The following PATL2 variants were observed in gnomAD, a reference collection of about 807,000 sequenced individuals.
PATL2 encodes protein PAT1 homolog 2.
PATL2 carries 73 observed loss-of-function variants against 77.0 expected under a neutral mutation model. That is an observed-to-expected ratio of 0.95 (90% CI 0.78 to 1.15). The LOEUF (loss-of-function observed/expected upper bound fraction) is 1.15, where lower values mean the gene tolerates loss of function less well. PATL2 is among the 50% of genes most tolerant of loss of function. The pLI is 0.00. For missense variants in PATL2, 618 were observed against 655.4 expected (o/e 0.94, Z 0.62); for synonymous variants, 265 against 257.1 (o/e 1.03, Z -0.29).
intron 9 of PATL2, 56 bp from the exon 10 acceptor site, chr15:44,670,143 G>T (rs1221924738): frequency 1.1e-5 from 17 of 1,532,194 alleles, no homozygotes; most frequent in Non-Finnish European, 1.4e-5. Context: ...TTCATCTTTT[G>T]AATTTAGAAT....
chr15:44,675,841 T>C, intron 4 of PATL2, 150 bp from the exon 5 acceptor site: 1 of 672,950 alleles, frequency 1.5e-6, no homozygotes, highest in South Asian at 2.1e-5. Context: ...TGGGTTTAAC[T>C]CGGCCTCCCT....
chr15:44,689,485 G>A (rs934647572), intron 3 of PATL2, among the ~76,000 whole-genome samples: 1 of 152,164 alleles, frequency 6.6e-6, no homozygotes, highest in Non-Finnish European at 1.5e-5. Flanking sequence ...TGATAGCCTG[G>A]ATAACGAACA....
rs2085966253 is a variant in PATL2 at position 44,676,572 on chromosome 15, CAAGA to C, written c.-75-11_-75-8del. 3 of 1,548,490 alleles carry C rather than the reference CAAGA, an allele frequency of 1.9e-6. No individual in the cohort carries two copies. The highest frequency in any genetic ancestry group is 2.6e-6 in the Non-Finnish European group (3 of 1,144,938). On this transcript the variant is annotated splice_region_variant and splice_polypyrimidine_tract_variant and intron_variant, in intron 3 of 17. Transcript: ENST00000682850. ...CAGCCTCTGGAAGGTAAACCTGAGA[CAAGA>C]AAGAGGCCAAGAGGCACCATCCTCA...
At chr15:44,693,844 C>A (rs1595984183) in intron 3 of PATL2, among the ~76,000 whole-genome samples, 1 of 152,028 alleles carries the variant, frequency 6.6e-6, no homozygotes, top group Admixed American at 6.6e-5. Flanking sequence ...GGATTACAGG[C>A]ATGTGCCACC....
intron 3 of PATL2, among the ~76,000 whole-genome samples, chr15:44,688,343 C>G (rs1361113826): frequency 6.6e-6 from 1 of 151,226 alleles, no homozygotes; most frequent in African/African-American, 2.4e-5. Flanking sequence ...TTAGAAAAAA[C>G]TACTTTAAAT....
chr15:44,669,609 C>T (rs1486760980), intron 11 of PATL2, 46 bp from the exon 12 acceptor site: 14 of 1,541,608 alleles, frequency 9.1e-6, no homozygotes, highest in Non-Finnish European at 1.1e-5. Context: ...GCCACTGCCA[C>T]AGCCCTAGCC....
At chr15:44,704,322 G>A (rs2086690753) in intron 3 of PATL2, among the ~76,000 whole-genome samples, 1 of 151,742 alleles carries the variant, frequency 6.6e-6, no homozygotes, top group Non-Finnish European at 1.5e-5. Context: ...GGCCCCTGTT[G>A]TATGCTTTTT....
chr15:44,692,037 A>C (rs2086404244), intron 3 of PATL2, among the ~76,000 whole-genome samples: 1 of 152,218 alleles, frequency 6.6e-6, no homozygotes, highest in African/African-American at 2.4e-5. Context: ...TTATACAATG[A>C]AATACTGTGA....
At chr15:44,684,252 G>C (rs188502438) in intron 3 of PATL2, among the ~76,000 whole-genome samples, 3 of 152,148 alleles carry the variant, frequency 2.0e-5, no homozygotes, top group African/African-American at 7.2e-5. Flanking sequence ...TGAGTTTGAT[G>C]AATTGACAGA....
intron 4 of PATL2, 73 bp downstream of exon 4, chr15:44,676,402 C>T: frequency 7.7e-7 from 1 of 1,302,900 alleles, no homozygotes; most frequent in Non-Finnish European, 1.1e-6. Flanking sequence ...CATCCAATCC[C>T]ATATGTGAAA....
At chr15:44,671,909 G>C (rs1595962783) in intron 9 of PATL2, 106 bp downstream of exon 9, 1 of 1,381,266 alleles carries the variant, frequency 7.2e-7, no homozygotes, top group East Asian at 2.5e-5. Flanking sequence ...TCTCCCACCT[G>C]AACAGACATG....
chr15:44,676,430 CA>C lies in PATL2; in HGVS notation c.16+44del, dbSNP rs1410405309. 2.7e-6 allele frequency: 4 copies of C among 1,469,724 alleles called. No homozygotes were observed. The African/African-American group carries it at 5.6e-5, about 21-fold the overall frequency. The allele number at this position is 1,469,724 out of a possible 1,614,324, so 91.0% of individuals were successfully genotyped here. A position where few individuals can be genotyped will look rare whatever the true frequency, so the allele number is the denominator to read the frequency against. ...ATGTGAAACAGACCAGCAACCTCTG[CA>C]TGCTGGGGCATTTTATATAACATCA... is the stretch of plus-strand genomic sequence containing the variant. On this transcript the variant is annotated intron_variant, in intron 4 of 17. Coordinates refer to ENST00000682850, the MANE Select transcript of PATL2 (RefSeq NM_001387263.1).
chr15:44,703,079 T>C (rs1292904880), intron 3 of PATL2, among the ~76,000 whole-genome samples: 1 of 151,984 alleles, frequency 6.6e-6, no homozygotes, highest in East Asian at 1.9e-4. Context: ...ATCAAGACCA[T>C]CCTGACTAAC....
intron 17 of PATL2, 143 bp downstream of exon 17, chr15:44,666,249 G>A: frequency 8.5e-7 from 1 of 1,182,728 alleles, no homozygotes; most frequent in Non-Finnish European, 1.2e-6. Flanking sequence ...TGGTTACTCA[G>A]TAAATGTCAG....
chr15:44,701,421 C>A (rs1039430881), intron 3 of PATL2, among the ~76,000 whole-genome samples: 1 of 151,806 alleles, frequency 6.6e-6, no homozygotes, highest in African/African-American at 2.4e-5. Context: ...TGAGGCTGGG[C>A]ATGGTGGCTC....
At chr15:44,676,277 G>C in intron 4 of PATL2, 198 bp downstream of exon 4, 1 of 602,862 alleles carries the variant, frequency 1.7e-6, no homozygotes, top group African/African-American at 1.8e-5. Context: ...GGTTGTTGTT[G>C]ATAATTTTAC....
At chr15:44,675,452 G>A (rs1258431988) in intron 5 of PATL2, 34 bp downstream of exon 5, 2 of 1,540,264 alleles carry the variant, frequency 1.3e-6, no homozygotes, top group Admixed American at 2.0e-5. Flanking sequence ...GACAGTTCAG[G>A]ACAACCCTCT....
At chr15:44,698,726 T>C (rs1471109400) in intron 3 of PATL2, among the ~76,000 whole-genome samples, 1 of 152,258 alleles carries the variant, frequency 6.6e-6, no homozygotes, top group African/African-American at 2.4e-5. Flanking sequence ...ATCTCTTTGA[T>C]ATACTGATTT....
chr15:44,679,729 C>A (rs143157204), intron 3 of PATL2, among the ~76,000 whole-genome samples: 170 of 152,096 alleles, frequency 1.1e-3, no homozygotes, highest in Middle Eastern at 3.4e-3. Flanking sequence ...TATTCATCTC[C>A]TCCTTTGTTC....
Sources: gnomAD v4.1 joint callset for allele counts (sites outside exome capture counted in the v4.1 genomes callset) on GRCh38, gnomAD v4.1.1 for gene constraint, MANE v1.5 for transcripts, NCBI Gene and HGNC (gene_info 2026-07-23, HGNC 2026-07-21) for gene names.